Variants in MTMR2 observed in about 807,000 individuals in gnomAD.
MTMR2 encodes the protein myotubularin related protein 2, also known as phosphatidylinositol-3,5-bisphosphate 3-phosphatase MTMR2.
MTMR2 carries 55 observed loss-of-function variants against 86.9 expected under a neutral mutation model. That is an observed-to-expected ratio of 0.63 (90% CI 0.51 to 0.79). The LOEUF (loss-of-function observed/expected upper bound fraction) is 0.79. Ranked by LOEUF, MTMR2 falls within the 30% of genes least tolerant of loss-of-function variation. MTMR2 has a pLI of 0.00. For missense variants in MTMR2, 659 were observed against 772.3 expected, an observed-to-expected ratio of 0.85 and a Z score of 1.74; for synonymous variants, 241 against 266.8, an observed-to-expected ratio of 0.90 and a Z score of 0.94.
chr11:95,836,723 T>C (rs2135403526), intron 13 of MTMR2, among the ~76,000 whole-genome samples: 1 of 152,130 alleles, frequency 6.6e-6, no homozygotes, highest in Non-Finnish European at 1.5e-5. Context: ...AGAAATGATA[T>C]AAAATGTATG....
intron 1 of MTMR2, among the ~76,000 whole-genome samples, chr11:95,917,611 C>T (rs551301519): frequency 4.6e-5 from 7 of 152,156 alleles, no homozygotes; most frequent in Admixed American, 2.6e-4. Flanking sequence ...GGAAGCTTTA[C>T]GGATAACATA....
intron 10 of MTMR2, among the ~76,000 whole-genome samples, chr11:95,846,869 A>G (rs978115012): frequency 1.3e-5 from 2 of 152,202 alleles, no homozygotes; most frequent in African/African-American, 4.8e-5. Flanking sequence ...AAAGGGAAAC[A>G]ATAGTAAAAA....
intron 1 of MTMR2, among the ~76,000 whole-genome samples, chr11:95,922,336 T>C (rs1866958103): frequency 1.3e-5 from 2 of 152,356 alleles, no homozygotes; most frequent in East Asian, 3.9e-4. Context: ...TTGCCTCTTA[T>C]GCTATTCTGA....
intron 2 of MTMR2, chr11:95,866,585 G>A (rs550512527): frequency 1.3e-5 from 2 of 151,430 alleles, no homozygotes; most frequent in Admixed American, 1.3e-4. Context: ...TAACTTTAAT[G>A]CAATACCTAA....
At chr11:95,881,527 A>G (rs1004202041) in intron 2 of MTMR2, among the ~76,000 whole-genome samples, 2 of 152,156 alleles carry the variant, frequency 1.3e-5, no homozygotes, top group Non-Finnish European at 2.9e-5. Context: ...ATAAAGTTTT[A>G]TAACTTTCTT....
At chr11:95,907,407 G>A (rs754786569) in intron 1 of MTMR2, among the ~76,000 whole-genome samples, 23 of 151,898 alleles carry the variant, frequency 1.5e-4, no homozygotes, top group Non-Finnish European at 2.6e-4. Flanking sequence ...AGGACCAGAT[G>A]GATTCACAGA....
chr11:95,901,780 T>C (rs1302975250), intron 1 of MTMR2, among the ~76,000 whole-genome samples: 2 of 152,204 alleles, frequency 1.3e-5, no homozygotes, highest in East Asian at 3.8e-4. Flanking sequence ...TGAAGTTCAG[T>C]TGAGACCAAT....
intron 7 of MTMR2, among the ~76,000 whole-genome samples, chr11:95,855,671 T>G (rs996164819): frequency 6.6e-6 from 1 of 152,216 alleles, no homozygotes; most frequent in Non-Finnish European, 1.5e-5. Context: ...AGTCATGATA[T>G]CTGTTTTTCA....
intron 1 of MTMR2, among the ~76,000 whole-genome samples, chr11:95,899,535 C>T (rs568206706): frequency 7.9e-5 from 12 of 151,462 alleles, no homozygotes; most frequent in African/African-American, 2.7e-4. Context: ...AAGTGTGATA[C>T]AACAATGTTA....
At chr11:95,910,429 G>C (rs1172664573) in intron 1 of MTMR2, among the ~76,000 whole-genome samples, 2 of 151,856 alleles carry the variant, frequency 1.3e-5, no homozygotes, top group Non-Finnish European at 2.9e-5. Context: ...TAAAGATGCA[G>C]ATGAACAAAC....
At chr11:95,910,075 G>C (rs1488688916) in intron 1 of MTMR2, among the ~76,000 whole-genome samples, 1 of 150,448 alleles carries the variant, frequency 6.6e-6, no homozygotes, top group African/African-American at 2.5e-5. Context: ...CACAAATATT[G>C]GGGAGAAATT....
At chr11:95,853,028 C>T (rs1205143269) in intron 7 of MTMR2, among the ~76,000 whole-genome samples, 1 of 140,504 alleles carries the variant, frequency 7.1e-6, no homozygotes, top group Non-Finnish European at 1.6e-5. Context: ...CGGCGAGATT[C>T]TAAAAATTTA....
intron 2 of MTMR2, among the ~76,000 whole-genome samples, chr11:95,884,352 C>T (rs900385327): frequency 6.6e-6 from 1 of 152,118 alleles, no homozygotes; most frequent in Non-Finnish European, 1.5e-5. Context: ...TTTCATCCCC[C>T]AAAATGTATA....
At chr11:95,875,449 G>A (rs1865072103) in intron 2 of MTMR2, among the ~76,000 whole-genome samples, 1 of 152,084 alleles carries the variant, frequency 6.6e-6, no homozygotes, top group Admixed American at 6.6e-5. Flanking sequence ...AGCTCCATCA[G>A]GTCCTTTCAG....
chr11:95,883,607 C>T (rs1865416501), intron 2 of MTMR2, among the ~76,000 whole-genome samples: 1 of 152,150 alleles, frequency 6.6e-6, no homozygotes, highest in African/African-American at 2.4e-5. Flanking sequence ...TACCAGATTA[C>T]ATCTGTATAA....
intron 1 of MTMR2, among the ~76,000 whole-genome samples, chr11:95,921,100 A>G (rs1395470948): frequency 6.6e-6 from 1 of 152,254 alleles, no homozygotes; most frequent in Non-Finnish European, 1.5e-5. Flanking sequence ...AAATTTGACT[A>G]AAGTTTTACT....
chr11:95,895,861 T>G (rs764007383), intron 1 of MTMR2, among the ~76,000 whole-genome samples: 1 of 152,142 alleles, frequency 6.6e-6, no homozygotes, highest in Non-Finnish European at 1.5e-5. Context: ...TACATGAATA[T>G]GTACATGAAT....
intron 5 of MTMR2, among the ~76,000 whole-genome samples, chr11:95,860,320 G>A (rs1864363758): frequency 6.6e-6 from 1 of 152,050 alleles, no homozygotes; most frequent in African/African-American, 2.4e-5. Flanking sequence ...TGGCCAATGT[G>A]GTGAAACCCA....
intron 1 of MTMR2, among the ~76,000 whole-genome samples, chr11:95,901,862 A>G (rs928541931): frequency 2.6e-5 from 4 of 152,066 alleles, no homozygotes; most frequent in Admixed American, 6.5e-5. Context: ...CTACAGAGAC[A>G]GTAAGTATCT....
Sources: allele counts gnomAD v4.1 joint callset (sites outside exome capture counted in the v4.1 genomes callset), GRCh38; gene constraint gnomAD v4.1.1; transcripts MANE v1.5; gene names NCBI Gene and HGNC (gene_info 2026-07-23, HGNC 2026-07-21).